ITGA3: variants seen among roughly 807,000 people sequenced by gnomAD.
ITGA3 encodes the protein integrin subunit alpha 3.
A neutral mutation model predicts 131.1 loss-of-function variants in ITGA3; 70 were observed. The ratio of observed to expected loss-of-function variants is 0.53; its 90% CI spans 0.44 to 0.65. The LOEUF (loss-of-function observed/expected upper bound fraction) is 0.65. Ranked by LOEUF, ITGA3 falls within the 30% of genes least tolerant of loss-of-function variation. The pLI, the probability that ITGA3 is intolerant of heterozygous loss-of-function variation, is 0.00. For missense variants in ITGA3, 1,098 were observed against 1,388.6 expected (o/e 0.79, Z 3.33); for synonymous variants, 537 against 571.6 (o/e 0.94, Z 0.86).
At chr17:50,088,855 C>T (rs1371187989) in intron 25 of ITGA3, among the ~76,000 whole-genome samples, 1 of 152,166 alleles carries the variant, frequency 6.6e-6, no homozygotes, top group African/African-American at 2.4e-5. Context: ...GCCATTCCAT[C>T]CACTGTCTCT....
In ITGA3 at chr17:50,079,273, A is replaced by G. The variant is rs1567703170; in HGVS notation, c.2583+15A>G. 1.9e-6 allele frequency: 3 copies of G among 1,612,136 alleles called. No individual in the cohort carries two copies. Among genetic ancestry groups the G allele is most frequent in the South Asian group, 1.1e-5 (1 of 91,036 alleles). ...TCACTCTTTCTGTAAGGACACTATC[A>G]GGGATATTTCATTTGCATGCTACAG... is the stretch of plus-strand genomic sequence containing the variant. On this transcript the variant is annotated intron_variant, in intron 20 of 25. Transcript: ENST00000320031.
Position 50,064,697 on chromosome 17 carries a change from G to T in ITGA3, c.414+90G>T. ...GGAGGAAAGAAGAGGGCAGCAGGGG[G>T]GTCCACGGCGCGTGTGTGCTGGGGC... On this transcript the variant is annotated intron_variant, in intron 3 of 25. Transcript: ENST00000320031. This position sits in a 1 kb window ranked among gnomAD's most constrained non-coding sequence, Gnocchi z 4.4. 1 of 1,080,116 alleles carries T rather than the reference G, an allele frequency of 9.3e-7. No homozygotes were observed. The allele number at this position is 1,080,116 out of a possible 1,614,324, so 66.9% of individuals were successfully genotyped here. A position where few individuals can be genotyped will look rare whatever the true frequency, so the allele number is the denominator to read the frequency against.
At chr17:50,085,484 G>C (rs1296841383) in intron 23 of ITGA3, among the ~76,000 whole-genome samples, 2 of 151,722 alleles carry the variant, frequency 1.3e-5, no homozygotes, top group African/African-American at 4.8e-5. Context: ...GGCCAACATG[G>C]TGAAACCCGT....
At chr17:50,066,515 G>C (rs1047992621) in intron 3 of ITGA3, among the ~76,000 whole-genome samples, 4 of 152,006 alleles carry the variant, frequency 2.6e-5, no homozygotes, top group Admixed American at 2.0e-4. Context: ...GATGTGGCCA[G>C]GCTCGGTGGC....
rs776021161 is a variant in ITGA3, at chr17:50,081,388, A to G, written c.2899A>G (p.Met967Val). Residue 967 changes from methionine (M) to valine (V), a missense_variant, in exon 23 of 26, where the codon ATG becomes GTG. Transcript: ENST00000320031. ...CCGAACCAGCATCCCCACCATCAAC[A>G]TGGAGAACAAGACCACGTGGGTGAG... Reference protein sequence around the residue: ...FLRTSIPTINMENKTTWFSVD... With the variant: ...FLRTSIPTINVENKTTWFSVD... 6.3e-7 allele frequency: 1 copy of G among 1,584,094 alleles called. No individual in the cohort carries two copies. Among genetic ancestry groups the G allele is most frequent in the Non-Finnish European group, 8.6e-7 (1 of 1,163,190 alleles).
intron 6 of ITGA3, 114 bp from the exon 7 acceptor site, chr17:50,071,872 G>T: frequency 4.4e-6 from 4 of 901,412 alleles, no homozygotes; most frequent in Non-Finnish European, 6.8e-6. Context: ...ACCTGTGGCC[G>T]GAAGAGCCAT....
Position 50,056,285 on chromosome 17 carries a change from T to G in ITGA3, c.-155T>G. The G allele has an allele frequency of 1.9e-6, 1 of 514,378 alleles. No individual in the cohort carries two copies. Among genetic ancestry groups the G allele is most frequent in the South Asian group, 3.0e-5 (1 of 32,928 alleles). The allele number at this position is 514,378 out of a possible 1,614,324, so 31.9% of individuals were successfully genotyped here. On this transcript the variant is annotated 5_prime_UTR_variant, in exon 1 of 26. Coordinates refer to ENST00000320031, the MANE Select transcript of ITGA3 (RefSeq NM_002204.4). The surrounding 1 kb of genome is among the most constrained non-coding windows in gnomAD (Gnocchi z 5.6). Reference sequence around the variant, plus strand: ...CCGAGAGCGCAGCTGTGAAACTGGCTGGGGCTGGGGGCACGAAACCGATCA... The same window carrying G: ...CCGAGAGCGCAGCTGTGAAACTGGCGGGGGCTGGGGGCACGAAACCGATCA...
chr17:50,083,287 G>T (rs1481356583), intron 23 of ITGA3, among the ~76,000 whole-genome samples: 3 of 152,134 alleles, frequency 2.0e-5, no homozygotes, highest in Non-Finnish European at 4.4e-5. Flanking sequence ...AACCTAACAT[G>T]CCAGGATACA....
intron 4 of ITGA3, among the ~76,000 whole-genome samples, chr17:50,068,519 G>T (rs1418319698): frequency 3.3e-5 from 5 of 152,004 alleles, no homozygotes; most frequent in African/African-American, 1.2e-4. Flanking sequence ...TTGTTTTTTT[G>T]ACATAGGGTC....
intron 23 of ITGA3, chr17:50,086,347 A>T (rs898178766): frequency 7.4e-5 from 11 of 147,802 alleles, no homozygotes; most frequent in South Asian, 6.3e-4. Context: ...CTGTATTTTT[A>T]AAAAAATCAT....
In ITGA3 at chr17:50,090,073, C is replaced by A; in HGVS notation, c.*995C>A. Reference sequence around the variant, plus strand: ...TTGGGAGGATACAGAGGAGATGCCACTTCTCACTCACCACTACCAGCCAGC... The same window carrying A: ...TTGGGAGGATACAGAGGAGATGCCAATTCTCACTCACCACTACCAGCCAGC... On this transcript the variant is annotated 3_prime_UTR_variant, in exon 26 of 26. Coordinates refer to ENST00000320031, the MANE Select transcript of ITGA3 (RefSeq NM_002204.4). 3.0e-6 allele frequency: 1 copy of A among 336,270 alleles called. No homozygotes were observed. The allele number at this position is 336,270 out of a possible 1,614,324, so 20.8% of individuals were successfully genotyped here.
At chr17:50,058,865 G>C (rs970538962) in intron 1 of ITGA3, among the ~76,000 whole-genome samples, 13 of 152,210 alleles carry the variant, frequency 8.5e-5, no homozygotes, top group African/African-American at 3.1e-4. Context: ...TGGAAAAGTG[G>C]GATGGTTCGT....
intron 7 of ITGA3, 59 bp downstream of exon 7, chr17:50,072,241 C>T: frequency 6.8e-7 from 1 of 1,462,118 alleles, no homozygotes; most frequent in Non-Finnish European, 9.5e-7. Flanking sequence ...TCCCAGCACC[C>T]CTACTGACTG....
rs1350242105 is a variant in ITGA3, at chr17:50,056,593, T to G, written c.154T>G (p.Phe52Val). 6.3e-7 allele frequency: 1 copy of G among 1,596,454 alleles called. No individual in the cohort carries two copies. The highest frequency in any genetic ancestry group is 1.7e-5 in the Admixed American group (1 of 57,792). Reference sequence around the variant, plus strand: ...GGAGGCCGGGAACCCGGGCAGCCTCTTCGGCTACTCGGTCGCCCTCCATCG... The same window carrying G: ...GGAGGCCGGGAACCCGGGCAGCCTCGTCGGCTACTCGGTCGCCCTCCATCG... ...VKEAGNPGSL[F>V]GYSVALHRQT... is the part of the protein sequence containing the mutation. Residue 52 changes from phenylalanine (F) to valine (V), a missense_variant, in exon 1 of 26, where the codon TTC becomes GTC. Phe to Val is a conservative substitution (Grantham distance 50). Around this residue, in one of 3 missense-constraint regions of ITGA3, gnomAD observed 356 missense variants for 529.2 expected, o/e 0.67. Transcript: ENST00000320031. This position sits in a 1 kb window ranked among gnomAD's most constrained non-coding sequence, Gnocchi z 5.6.
intron 7 of ITGA3, 21 bp downstream of exon 7, chr17:50,072,203 CCCAGCACCCCTCCT>C (rs747413363): frequency 3.1e-5 from 50 of 1,595,634 alleles, no homozygotes; most frequent in South Asian, 1.7e-4. Flanking sequence ...GCACTCCTCC[CCCAGCACCCCTCCT>C]CCAGCACCCC....
Position 50,075,487 on chromosome 17 carries a change from A to C in ITGA3, c.1498A>C (p.Asn500His), listed in dbSNP as rs1184647273. The change falls in exon 11 of 26, where the codon AAC becomes CAC. Residue 500 changes from asparagine to histidine, a missense_variant. Physicochemically the swap from Asn to His is moderately conservative, Grantham distance 68. Transcript: ENST00000320031. ...GCAAGTGGAGCTGTGCTTTGCTTACAACCAGAGTGCCGGGAACCCCAACTA... is the reference window on the plus strand; with the variant it reads ...GCAAGTGGAGCTGTGCTTTGCTTACCACCAGAGTGCCGGGAACCCCAACTA... ...CVQVELCFAY[N>H]QSAGNPNYRR... 1 of 1,614,096 alleles carries C rather than the reference A, an allele frequency of 6.2e-7. No individual in the cohort carries two copies.
At chr17:50,076,300 G>T in intron 12 of ITGA3, 26 bp from the exon 13 acceptor site, 1 of 1,608,466 alleles carries the variant, frequency 6.2e-7, no homozygotes, top group Non-Finnish European at 8.5e-7. Flanking sequence ...GTGCAGGGCC[G>T]GGCTCAGCTC....
At position 50,056,923 on chromosome 17, in the gene ITGA3, C is replaced by T. The variant is rs1405990299; in HGVS notation, c.206+278C>T. ...GGAAGTGGGGTCCCGGTGGCTGAGT[C>T]CTCTCCCATTCTGTGAACCGAGTAC... On this transcript the variant is annotated intron_variant, in intron 1 of 25. Coordinates refer to ENST00000320031, the MANE Select transcript of ITGA3 (RefSeq NM_002204.4). The surrounding 1 kb of genome is among the most constrained non-coding windows in gnomAD (Gnocchi z 5.6). Among the ~76,000 whole-genome samples, 8 of 152,132 alleles carry T rather than the reference C, an allele frequency of 5.3e-5. No individual in the cohort carries two copies. The highest frequency in any genetic ancestry group is 5.9e-5 in the Non-Finnish European group (4 of 68,020).
chr17:50,059,063 T>C (rs771982776), intron 1 of ITGA3, among the ~76,000 whole-genome samples: 2 of 152,220 alleles, frequency 1.3e-5, no homozygotes, highest in African/African-American at 2.4e-5. Context: ...GGTGGGACCC[T>C]CTTTGCTGCC....
Sources: allele counts gnomAD v4.1 joint callset (sites outside exome capture counted in the v4.1 genomes callset), GRCh38; gene constraint gnomAD v4.1.1; regional missense constraint gnomAD v4.1.1; non-coding constraint Gnocchi (gnomAD v3.1); transcripts MANE v1.5; gene names NCBI Gene and HGNC (gene_info 2026-07-23, HGNC 2026-07-21).